NALCN: variants seen among roughly 807,000 people sequenced by gnomAD.
The protein encoded by NALCN is sodium leak channel, non-selective, also known as sodium leak channel NALCN.
NALCN carries 111 observed loss-of-function variants against 225.3 expected under a neutral mutation model. That is an observed-to-expected ratio of 0.49 (90% CI 0.42 to 0.58). NALCN has a LOEUF of 0.58. Ranked by LOEUF, NALCN falls within the 20% of genes least tolerant of loss-of-function variation. The pLI, the probability that NALCN is intolerant of heterozygous loss-of-function variation, is 0.00. For missense variants in NALCN, 1,378 were observed against 2,202.4 expected (o/e 0.63, Z 7.49); for synonymous variants, 764 against 769.0 (o/e 0.99, Z 0.11).
chr13:101,111,199 G>A lies in NALCN; in HGVS notation c.2220C>T (p.Ser740=), dbSNP rs142265889. 1.3e-4 allele frequency: 205 copies of A among 1,604,008 alleles called. 1 individual carries two copies. The highest frequency in any genetic ancestry group is 3.3e-4 in the South Asian group (30 of 90,428). Residue 740 remains serine (S), a synonymous_variant, in exon 19 of 44, where the codon AGC becomes AGT. Coordinates refer to ENST00000251127, the MANE Select transcript of NALCN (RefSeq NM_052867.4). ...TTGCGGGCTGCCCCTCAAATGATCC[G>A]CTCAGCATGCGCTGTCGGGTGCAAG... ...LRACTRQRML[S]GSFEGQPAKE...
chr13:101,288,220 T>G (rs1221120638), intron 9 of NALCN, among the ~76,000 whole-genome samples: 1 of 152,224 alleles, frequency 6.6e-6, no homozygotes, highest in African/African-American at 2.4e-5. Context: ...TAGAAGGCAC[T>G]CATTATTACA....
intron 14 of NALCN, among the ~76,000 whole-genome samples, chr13:101,182,002 C>T (rs944622570): frequency 2.1e-4 from 32 of 151,460 alleles, no homozygotes; most frequent in Middle Eastern, 3.2e-3. Flanking sequence ...GGCGTGGTGG[C>T]GGGTGCCTGT....
chr13:101,218,089 A>G (rs1183025966), intron 13 of NALCN, among the ~76,000 whole-genome samples: 1 of 152,092 alleles, frequency 6.6e-6, no homozygotes, highest in African/African-American at 2.4e-5. Context: ...CAATCCTGCC[A>G]ATGAGAGATG....
chr13:101,167,694 TGGA>T, intron 15 of NALCN, among the ~76,000 whole-genome samples: 1 of 131,892 alleles, frequency 7.6e-6, no homozygotes. Flanking sequence ...AAAAATTAGT[TGGA>T]TTTGGTGGTG....
intron 9 of NALCN, among the ~76,000 whole-genome samples, chr13:101,290,095 T>C (rs2043495572): frequency 6.6e-6 from 1 of 152,182 alleles, no homozygotes; most frequent in Non-Finnish European, 1.5e-5. Context: ...TCTAGACGCA[T>C]TACCTCTGAA....
At chr13:101,305,994 G>A (rs990166175) in intron 7 of NALCN, among the ~76,000 whole-genome samples, 34 of 152,198 alleles carry the variant, frequency 2.2e-4, no homozygotes, top group African/African-American at 8.0e-4. Context: ...GGAAACACAT[G>A]TAAAAGGGAA....
chr13:101,119,143 GA>G (rs919559189), intron 18 of NALCN, among the ~76,000 whole-genome samples: 1 of 151,318 alleles, frequency 6.6e-6, no homozygotes, highest in African/African-American at 2.4e-5. Context: ...TTTCTTTCAG[GA>G]AAAAAAATCC....
chr13:101,155,652 T>C (rs2037867210), intron 15 of NALCN, among the ~76,000 whole-genome samples: 2 of 152,174 alleles, frequency 1.3e-5, no homozygotes, highest in South Asian at 4.1e-4. Flanking sequence ...CTTTTCCTAC[T>C]CCATTGGCTT....
chr13:101,155,223 T>C (rs976984384), intron 15 of NALCN, among the ~76,000 whole-genome samples: 2 of 152,212 alleles, frequency 1.3e-5, no homozygotes, highest in African/African-American at 4.8e-5. Flanking sequence ...TTATCAAAAC[T>C]ACAAAATTAA....
intron 15 of NALCN, among the ~76,000 whole-genome samples, chr13:101,169,413 C>T (rs761223755): frequency 2.6e-5 from 4 of 152,208 alleles, no homozygotes; most frequent in Non-Finnish European, 5.9e-5. Flanking sequence ...GTTTGTTACA[C>T]AGGCTTACAT....
At chr13:101,167,648 G>A (rs1321612410) in intron 15 of NALCN, among the ~76,000 whole-genome samples, 2 of 151,908 alleles carry the variant, frequency 1.3e-5, no homozygotes, top group African/African-American at 4.8e-5. Context: ...ACCAGCCCTG[G>A]CCAACATGGT....
chr13:101,265,904 G>T (rs1291039110), intron 10 of NALCN, among the ~76,000 whole-genome samples: 1 of 152,184 alleles, frequency 6.6e-6, no homozygotes, highest in Non-Finnish European at 1.5e-5. Context: ...AGTATTTGTG[G>T]TTGGATAGAA....
intron 3 of NALCN, among the ~76,000 whole-genome samples, chr13:101,392,094 C>T (rs1566645716): frequency 6.6e-6 from 1 of 151,606 alleles, no homozygotes; most frequent in Non-Finnish European, 1.5e-5. Flanking sequence ...GGAACCCCCA[C>T]AAAAACGCAA....
intron 11 of NALCN, among the ~76,000 whole-genome samples, chr13:101,248,925 T>A (rs2041980285): frequency 6.6e-6 from 1 of 152,150 alleles, no homozygotes. Context: ...ATATGTCATA[T>A]GTCATATCAA....
intron 17 of NALCN, among the ~76,000 whole-genome samples, chr13:101,135,022 G>A (rs1357905866): frequency 6.6e-6 from 1 of 152,044 alleles, no homozygotes; most frequent in African/African-American, 2.4e-5. Context: ...GTGAAACCCT[G>A]TCTCTACTAA....
At chr13:101,358,523 A>T (rs1240906952) in intron 6 of NALCN, among the ~76,000 whole-genome samples, 2 of 152,206 alleles carry the variant, frequency 1.3e-5, no homozygotes, top group Admixed American at 6.5e-5. Context: ...CAGAACGGCG[A>T]TTATTAAAAA....
At chr13:101,318,806 T>C (rs1224387624) in intron 7 of NALCN, among the ~76,000 whole-genome samples, 1 of 152,228 alleles carries the variant, frequency 6.6e-6, no homozygotes, top group Non-Finnish European at 1.5e-5. Flanking sequence ...CAATTAAGCA[T>C]GATGTATTTT....
At chr13:101,183,794 T>C (rs1165030278) in intron 14 of NALCN, among the ~76,000 whole-genome samples, 2 of 152,054 alleles carry the variant, frequency 1.3e-5, no homozygotes, top group African/African-American at 4.8e-5. Context: ...GGATATACTA[T>C]GTCCCTATTT....
chr13:101,213,146 A>G (rs1003197256), intron 13 of NALCN, among the ~76,000 whole-genome samples: 10 of 152,118 alleles, frequency 6.6e-5, no homozygotes, highest in Non-Finnish European at 1.5e-4. Flanking sequence ...AATACCACAC[A>G]TCTACAACCA....
Sources: gnomAD v4.1 joint callset for allele counts (sites outside exome capture counted in the v4.1 genomes callset) on GRCh38, gnomAD v4.1.1 for gene constraint, MANE v1.5 for transcripts, NCBI Gene and HGNC (gene_info 2026-07-23, HGNC 2026-07-21) for gene names.